Variants in EHHADH observed in about 807,000 individuals in gnomAD.
EHHADH encodes the protein peroxisomal bifunctional enzyme.
A neutral mutation model predicts 64.4 loss-of-function variants in EHHADH; 48 were observed. That is an observed-to-expected ratio of 0.75 (90% CI 0.59 to 0.95). The LOEUF is 0.95. EHHADH is among the 40% of genes least tolerant of loss of function. The pLI, the probability that EHHADH is intolerant of heterozygous loss-of-function variation, is 0.00. For synonymous variants in EHHADH, 308 were observed against 326.7 expected, an observed-to-expected ratio of 0.94 and a Z score of 0.62; for missense variants, 854 against 876.6, an observed-to-expected ratio of 0.97 and a Z score of 0.33.
At position 185,218,217 on chromosome 3, in the gene EHHADH, C is replaced by T; in HGVS notation, c.487G>A (p.Ala163Thr). 6.2e-7 allele frequency: 1 copy of T among 1,604,990 alleles called. No individual in the cohort carries two copies. Among genetic ancestry groups the T allele is most frequent in the East Asian group, 2.2e-5 (1 of 44,470 alleles). Reference sequence around the variant, plus strand: ...TTATCTAGAATGCCCAGCTTGAGTGCTTCATCTGCTAAAATACGTCTTCCT... The same window carrying T: ...TTATCTAGAATGCCCAGCTTGAGTGTTTCATCTGCTAAAATACGTCTTCCT... The part of the protein sequence containing the change: ...TSGRRILADE[A>T]LKLGILDKVV... Residue 163 changes from alanine to threonine, a missense_variant, in exon 5 of 7, where the codon GCA becomes ACA. Ala to Thr is a moderately conservative substitution (Grantham distance 58). Coordinates refer to ENST00000231887, the MANE Select transcript of EHHADH (RefSeq NM_001966.4).
At chr3:185,241,357 G>T (rs1414564275) in intron 2 of EHHADH, among the ~76,000 whole-genome samples, 1 of 152,116 alleles carries the variant, frequency 6.6e-6, no homozygotes, top group Non-Finnish European at 1.5e-5. Flanking sequence ...TCTACTTTTA[G>T]CTCTTTAAGG....
rs763954844 is a variant in EHHADH at position 185,193,035 on chromosome 3, T to C, written c.1363A>G (p.Thr455Ala). 1.1e-5 allele frequency: 17 copies of C among 1,614,100 alleles called. No individual in the cohort carries two copies. In the East Asian group the frequency reaches 1.8e-4, roughly 17 times the overall value. Residue 455 changes from threonine (T) to alanine (A), a missense_variant, in exon 7 of 7, where the codon ACC becomes GCC. Coordinates refer to ENST00000231887, the MANE Select transcript of EHHADH (RefSeq NM_001966.4). ...VIPSQYSSPT[T>A]IATVMNLSKK... ...GATAAGTTCATAACAGTGGCAATGG[T>C]AGTGGGGGAAGAGTATTGGCTGGGA...
intron 5 of EHHADH, among the ~76,000 whole-genome samples, chr3:185,206,529 T>C (rs1418026241): frequency 6.6e-6 from 1 of 152,042 alleles, no homozygotes; most frequent in Non-Finnish European, 1.5e-5. Context: ...AGGATATCAA[T>C]AAGAAAATGA....
At chr3:185,225,543 T>C (rs1478561671) in intron 4 of EHHADH, among the ~76,000 whole-genome samples, 1 of 152,170 alleles carries the variant, frequency 6.6e-6, no homozygotes, top group Non-Finnish European at 1.5e-5. Flanking sequence ...CTCCAATTAG[T>C]ATATTTTCAA....
intron 6 of EHHADH, among the ~76,000 whole-genome samples, chr3:185,203,248 AAG>A (rs1451951289): frequency 1.3e-5 from 2 of 152,124 alleles, no homozygotes; most frequent in African/African-American, 2.4e-5. Context: ...GGGTTCAGAA[AAG>A]AGAGAGGGAA....
intron 2 of EHHADH, chr3:185,246,397 C>T (rs530443093): frequency 1.2e-4 from 71 of 614,870 alleles, no homozygotes; most frequent in Non-Finnish European, 1.7e-4. Context: ...TTCTTCTTTT[C>T]TTCTTGCTCA....
chr3:185,194,398 A>G (rs1480150776), intron 6 of EHHADH, among the ~76,000 whole-genome samples: 2 of 152,170 alleles, frequency 1.3e-5, no homozygotes, highest in African/African-American at 2.4e-5. Context: ...AGATCACCTG[A>G]GGTCAGGATT....
intron 6 of EHHADH, among the ~76,000 whole-genome samples, chr3:185,197,632 C>T (rs1718101025): frequency 6.6e-6 from 1 of 152,126 alleles, no homozygotes; most frequent in Non-Finnish European, 1.5e-5. Context: ...AATTTTCTTC[C>T]TTTTTAAGGC....
chr3:185,208,322 T>C (rs1250963608), intron 5 of EHHADH, among the ~76,000 whole-genome samples: 1 of 152,178 alleles, frequency 6.6e-6, no homozygotes, highest in Non-Finnish European at 1.5e-5. Context: ...TGACCCCTAA[T>C]CAACCTGAGA....
At chr3:185,241,989 G>T (rs997433566) in intron 2 of EHHADH, among the ~76,000 whole-genome samples, 1 of 152,120 alleles carries the variant, frequency 6.6e-6, no homozygotes, top group Non-Finnish European at 1.5e-5. Flanking sequence ...TGAGAGATGA[G>T]GATCCAATTT....
chr3:185,206,069 T>C (rs976998368), intron 5 of EHHADH, among the ~76,000 whole-genome samples: 1 of 152,034 alleles, frequency 6.6e-6, no homozygotes, highest in Admixed American at 6.6e-5. Flanking sequence ...CGCTGACTCA[T>C]ACGATCTCAA....
chr3:185,210,268 C>T (rs1009280685), intron 5 of EHHADH, among the ~76,000 whole-genome samples: 3 of 152,144 alleles, frequency 2.0e-5, no homozygotes, highest in African/African-American at 4.8e-5. Context: ...GAAGAGTTTA[C>T]GAAGTTCAGA....
At chr3:185,195,121 A>C (rs182386299) in intron 6 of EHHADH, among the ~76,000 whole-genome samples, 105 of 152,302 alleles carry the variant, frequency 6.9e-4, no homozygotes, top group Middle Eastern at 3.4e-3. Flanking sequence ...TAAAACTATA[A>C]AATTCTTAGA....
intron 6 of EHHADH, among the ~76,000 whole-genome samples, chr3:185,203,003 G>A (rs1718273693): frequency 6.6e-6 from 1 of 150,672 alleles, no homozygotes; most frequent in Admixed American, 6.6e-5. Flanking sequence ...GGGGGGGATG[G>A]GAGATGAAGG....
chr3:185,246,818 C>A (rs900853364), intron 2 of EHHADH, among the ~76,000 whole-genome samples: 6 of 152,046 alleles, frequency 3.9e-5, no homozygotes, highest in Non-Finnish European at 7.4e-5. Flanking sequence ...AGTTCCTTTA[C>A]ATAAATACTT....
At position 185,192,745 on chromosome 3, in the gene EHHADH, T is replaced by A. The variant is rs1378735129; in HGVS notation, c.1653A>T (p.Arg551=). 1 of 1,613,944 alleles carries A rather than the reference T, an allele frequency of 6.2e-7. No individual in the cohort carries two copies. Among genetic ancestry groups the A allele is most frequent in the South Asian group, 1.1e-5 (1 of 91,078 alleles). Residue 551 remains arginine (R), a synonymous_variant, in exon 7 of 7, where the codon CGA becomes CGT. Coordinates refer to ENST00000231887, the MANE Select transcript of EHHADH (RefSeq NM_001966.4). ...GGCAGTACCTCCTATTACCCCTTTTTCGGGCAGGAGTTCCTGGAAGCAATG... is the reference window on the plus strand; with the variant it reads ...GGCAGTACCTCCTATTACCCCTTTTACGGGCAGGAGTTCCTGGAAGCAATG... ...GPTLLPGTPA[R]KRGNRRYCPI...
At chr3:185,231,861 T>A (rs1719140300) in intron 3 of EHHADH, among the ~76,000 whole-genome samples, 1 of 152,178 alleles carries the variant, frequency 6.6e-6, no homozygotes, top group Non-Finnish European at 1.5e-5. Context: ...GTTCTAAAAT[T>A]TACTGTGATA....
chr3:185,222,776 C>CACTTTA (rs1718869962), intron 4 of EHHADH, among the ~76,000 whole-genome samples: 1 of 152,194 alleles, frequency 6.6e-6, no homozygotes, highest in African/African-American at 2.4e-5. Context: ...CCCTGGACCA[C>CACTTTA]ACTTTAAGAA....
At position 185,216,337 on chromosome 3, in the gene EHHADH, C is replaced by T. The variant is rs1046301760; in HGVS notation, c.568+1799G>A. ...AAAGAACTTCCTGTTGAAATTGAGACCTTTACAAACTAAAACTACAGATGT... is the reference window on the plus strand; with the variant it reads ...AAAGAACTTCCTGTTGAAATTGAGATCTTTACAAACTAAAACTACAGATGT... On this transcript the variant is annotated intron_variant, in intron 5 of 6. Coordinates refer to ENST00000231887, the MANE Select transcript of EHHADH (RefSeq NM_001966.4). This position sits in a 1 kb window ranked among gnomAD's most constrained non-coding sequence, Gnocchi z 5.3. Among the ~76,000 whole-genome samples, 1 of 152,154 alleles carries T rather than the reference C, an allele frequency of 6.6e-6. No homozygotes were observed. Among genetic ancestry groups the T allele is most frequent in the Non-Finnish European group, 1.5e-5 (1 of 68,012 alleles).
Sources: gnomAD v4.1 joint callset for allele counts (sites outside exome capture counted in the v4.1 genomes callset) on GRCh38, gnomAD v4.1.1 for gene constraint, Gnocchi (gnomAD v3.1) non-coding constraint, MANE v1.5 for transcripts, NCBI Gene and HGNC (gene_info 2026-07-23, HGNC 2026-07-21) for gene names.